The following CASTOR2 variants were observed in gnomAD, a reference collection of about 807,000 sequenced individuals.
The protein encoded by CASTOR2 is cytosolic arginine sensor for mTORC1 subunit 2.
A neutral mutation model predicts 31.2 loss-of-function variants in CASTOR2; 8 were observed. The observed-to-expected ratio is 0.26, with a 90% CI of 0.15 to 0.46. The LOEUF (loss-of-function observed/expected upper bound fraction) is 0.46, where lower values mean the gene tolerates loss of function less well. CASTOR2 is among the 20% of genes least tolerant of loss of function. The pLI is 0.99. For missense variants in CASTOR2, 216 were observed against 382.1 expected (o/e 0.57, Z 3.62); for synonymous variants, 162 against 158.7 (o/e 1.02, Z -0.16).
Position 75,017,738 on chromosome 7 carries a change from G to A in CASTOR2, c.325G>A (p.Asp109Asn), listed in dbSNP as rs1804898621. 1 of 1,614,024 alleles carries A rather than the reference G, an allele frequency of 6.2e-7. No homozygotes were observed. The highest frequency in any genetic ancestry group is 8.5e-7 in the Non-Finnish European group (1 of 1,179,882). Reference protein sequence around the residue: ...IAKSVIAPLADQNISVFMLST... With the variant: ...IAKSVIAPLANQNISVFMLST... ...CAAGTCAGTCATCGCCCCACTGGCT[G>A]ACCAGAACATATCCGTGTTCATGCT... The change falls in exon 3 of 9, where the codon GAC (aspartate) becomes AAC (asparagine). Residue 109 changes from aspartate to asparagine, a missense_variant. Asp to Asn is a conservative substitution (Grantham distance 23). Coordinates refer to ENST00000616305, the MANE Select transcript of CASTOR2 (RefSeq NM_001145064.3).
intron 1 of CASTOR2, among the ~76,000 whole-genome samples, chr7:74,992,248 G>C (rs1274516172): frequency 6.6e-6 from 1 of 152,068 alleles, no homozygotes; most frequent in Non-Finnish European, 1.5e-5. Context: ...TCTGATCCTG[G>C]GTTTTTGTCT....
chr7:74,995,063 G>C (rs1363472151), intron 1 of CASTOR2, among the ~76,000 whole-genome samples: 1 of 152,124 alleles, frequency 6.6e-6, no homozygotes. Flanking sequence ...AGGGAGGCAT[G>C]AGGGAAGACG....
intron 1 of CASTOR2, among the ~76,000 whole-genome samples, chr7:75,003,272 C>A (rs1804536842): frequency 6.6e-6 from 1 of 151,998 alleles, no homozygotes; most frequent in Admixed American, 6.6e-5. Flanking sequence ...CATAGTGAGA[C>A]CCTGTCTCTA....
intron 1 of CASTOR2, among the ~76,000 whole-genome samples, chr7:74,993,936 C>G (rs1584466123): frequency 6.6e-6 from 1 of 152,366 alleles, no homozygotes; most frequent in East Asian, 1.9e-4. Flanking sequence ...CCTCCTTCCC[C>G]CTCTGCCTTG....
At chr7:74,996,217 G>T (rs1386468419) in intron 1 of CASTOR2, among the ~76,000 whole-genome samples, 11 of 152,096 alleles carry the variant, frequency 7.2e-5, no homozygotes, top group Non-Finnish European at 1.3e-4. Flanking sequence ...TTGGGCAGGG[G>T]TCATCTAAGG....
rs892581090 is a variant in CASTOR2 at position 75,030,566 on chromosome 7, G to A, written c.*5867G>A. Among the ~76,000 whole-genome samples the A allele has an allele frequency of 6.6e-6, 1 of 152,150 alleles. No individual in the cohort carries two copies. Among genetic ancestry groups the A allele is most frequent in the Non-Finnish European group, 1.5e-5 (1 of 68,022 alleles). The stretch of plus-strand genomic sequence containing the variant: ...TGTCTGAAATCTTAGCTAAGGATTG[G>A]AGGATGCACTTCTAAGTGAGGCCTG... On this transcript the variant is annotated 3_prime_UTR_variant, in exon 9 of 9. Coordinates refer to ENST00000616305, the MANE Select transcript of CASTOR2 (RefSeq NM_001145064.3).
intron 1 of CASTOR2, among the ~76,000 whole-genome samples, chr7:74,995,401 C>T (rs1160523773): frequency 4.7e-5 from 7 of 150,284 alleles, no homozygotes; most frequent in Non-Finnish European, 1.5e-5. Flanking sequence ...GACACAGTGG[C>T]TCACACGTAA....
At chr7:74,975,161 T>G (rs1803772303) in intron 1 of CASTOR2, among the ~76,000 whole-genome samples, 1 of 150,862 alleles carries the variant, frequency 6.6e-6, no homozygotes, top group African/African-American at 2.4e-5. Context: ...TTTAGATGGG[T>G]TTTCCCAGGT....
chr7:75,015,563 C>T (rs1179284370), intron 2 of CASTOR2, among the ~76,000 whole-genome samples: 2 of 152,150 alleles, frequency 1.3e-5, no homozygotes, highest in African/African-American at 4.8e-5. Context: ...CGGGCATGAG[C>T]CACCGCCTCC....
chr7:74,973,075 ACTGT>A lies in CASTOR2; in HGVS notation c.113+7980_113+7983del, dbSNP rs1364936238. Among the ~76,000 whole-genome samples the A allele has an allele frequency of 8.7e-5, 13 of 149,924 alleles. 1 individual carries two copies. The highest frequency in any genetic ancestry group is 2.0e-4 in the Admixed American group (3 of 14,950). On this transcript the variant is annotated intron_variant, in intron 1 of 8. Transcript: ENST00000616305. ...CCTCGCAACACATTGGGCTGAGGCC[ACTGT>A]CTAATTGCAGTTTAGGGAAAGACAG...
chr7:74,988,906 G>T (rs1584463587), intron 1 of CASTOR2, among the ~76,000 whole-genome samples: 1 of 143,850 alleles, frequency 7.0e-6, no homozygotes, highest in Non-Finnish European at 1.5e-5. Context: ...AAGATATTCT[G>T]TGTTTCTATT....
At chr7:75,012,585 G>A (rs1804779009) in intron 2 of CASTOR2, among the ~76,000 whole-genome samples, 1 of 151,756 alleles carries the variant, frequency 6.6e-6, no homozygotes, top group Admixed American at 6.6e-5. Context: ...GGGATTACAG[G>A]CATGAACTAC....
chr7:75,031,421 C>T lies in CASTOR2; in HGVS notation c.*6722C>T, dbSNP rs973907000. ...TCTTGTTGAAGAAACACAAAACCCT[C>T]GAGATTCATGTACTGTATGTTGGAG... On this transcript the variant is annotated 3_prime_UTR_variant, in exon 9 of 9. Transcript: ENST00000616305. Among the ~76,000 whole-genome samples, 10 of 152,056 alleles carry T rather than the reference C, an allele frequency of 6.6e-5. No homozygotes were observed. In the East Asian group the frequency reaches 1.9e-3, roughly 29 times the overall value.
intron 1 of CASTOR2, among the ~76,000 whole-genome samples, chr7:74,998,396 G>A (rs1804404679): frequency 6.6e-6 from 1 of 152,228 alleles, no homozygotes; most frequent in Admixed American, 6.5e-5. Flanking sequence ...CTGAGGTCAG[G>A]GGTTGGAGAC....
rs1156643766 is a variant in CASTOR2 at position 75,016,065 on chromosome 7, C to CA, written c.185-1522dup. Among the ~76,000 whole-genome samples, 57 of 147,642 alleles carry CA rather than the reference C, an allele frequency of 3.9e-4. 1 individual carries two copies. In the South Asian group the frequency reaches 6.6e-3, roughly 17 times the overall value. On this transcript the variant is annotated intron_variant, in intron 2 of 8. Transcript: ENST00000616305. ...TGGGTGACAGAGTGAGGCTCCATCT[C>CA]AAAAAAAAAAATCCTGCCTCCTTGT...
intron 1 of CASTOR2, among the ~76,000 whole-genome samples, chr7:74,997,645 C>T (rs1315497913): frequency 1.3e-5 from 2 of 151,782 alleles, no homozygotes; most frequent in African/African-American, 2.4e-5. Flanking sequence ...AGGCTGGGCT[C>T]GAACTCCTGA....
At chr7:74,987,691 G>A (rs1310922404) in intron 1 of CASTOR2, among the ~76,000 whole-genome samples, 3 of 152,168 alleles carry the variant, frequency 2.0e-5, no homozygotes, top group Admixed American at 2.0e-4. Flanking sequence ...CAGTGAGAAG[G>A]TTCTGTCTGG....
At chr7:74,982,362 G>A (rs1803965509) in intron 1 of CASTOR2, among the ~76,000 whole-genome samples, 1 of 151,564 alleles carries the variant, frequency 6.6e-6, no homozygotes, top group Non-Finnish European at 1.5e-5. Flanking sequence ...CTGGGCCTCT[G>A]GGTAACCTGC....
intron 2 of CASTOR2, among the ~76,000 whole-genome samples, chr7:75,009,188 C>A (rs1804672608): frequency 6.6e-6 from 1 of 150,462 alleles, no homozygotes; most frequent in African/African-American, 2.4e-5. Flanking sequence ...GATCTCCTGA[C>A]CTCATGATCC....
Sources: gnomAD v4.1 joint callset for allele counts (sites outside exome capture counted in the v4.1 genomes callset) on GRCh38, gnomAD v4.1.1 for gene constraint, MANE v1.5 for transcripts, NCBI Gene and HGNC (gene_info 2026-07-23, HGNC 2026-07-21) for gene names.